Variants in PDE4B observed in about 807,000 individuals in gnomAD.
PDE4B encodes the protein phosphodiesterase 4B, also known as 3',5'-cyclic-AMP phosphodiesterase 4B.
A neutral mutation model predicts 82.2 loss-of-function variants in PDE4B; 20 were observed. That is an observed-to-expected ratio of 0.24 (90% confidence interval 0.17 to 0.35). The LOEUF (loss-of-function observed/expected upper bound fraction) is 0.35. Ranked by LOEUF, PDE4B falls within the 10% of genes least tolerant of loss-of-function variation. The probability of loss-of-function intolerance (pLI) is 1.00; values close to 1 mark genes in which losing one functional copy is unlikely to be tolerated. For synonymous variants in PDE4B, 320 were observed against 318.9 expected (o/e 1.00, Z -0.04); for missense variants, 655 against 907.2 (o/e 0.72, Z 3.57).
At chr1:65,898,550 A>G (rs543496739) in intron 1 of PDE4B, among the ~76,000 whole-genome samples, 2 of 152,264 alleles carry the variant, frequency 1.3e-5, no homozygotes, top group South Asian at 4.1e-4. Flanking sequence ...GCACCACATT[A>G]CCTGATTTCA....
At chr1:66,351,555 G>C (rs1661819610) in intron 8 of PDE4B, among the ~76,000 whole-genome samples, 1 of 152,258 alleles carries the variant, frequency 6.6e-6, no homozygotes, top group Middle Eastern at 3.4e-3. Flanking sequence ...AATTTGAGTT[G>C]TTTTCCTCAG....
At chr1:65,824,390 A>G (rs192380167) in intron 1 of PDE4B, among the ~76,000 whole-genome samples, 1 of 152,260 alleles carries the variant, frequency 6.6e-6, no homozygotes, top group Admixed American at 6.5e-5. Flanking sequence ...GTAATATTTT[A>G]GTGTGAGTAT....
intron 12 of PDE4B, among the ~76,000 whole-genome samples, chr1:66,364,916 C>T (rs9651194): frequency 0.035 from 5,299 of 152,198 alleles, 298 homozygotes; most frequent in African/African-American, 0.12. Context: ...CTCAAGCTGG[C>T]ATTTGAAGGA....
rs186496269 is a variant in PDE4B at position 66,264,329 on chromosome 1, G to A, written c.585-1709G>A. 7.4e-4 allele frequency among the ~76,000 whole-genome samples: 112 copies of A among 152,276 alleles called. 1 individual carries two copies. The highest frequency in any genetic ancestry group is 3.4e-3 in the Middle Eastern group (1 of 294). ...AAAACAGCCCTCAGTATTAGTGCAG[G>A]TGTTATCAGCATATAGTATAGTGGA... On this transcript the variant is annotated intron_variant, in intron 6 of 16. Coordinates refer to ENST00000341517, the MANE Select transcript of PDE4B (RefSeq NM_002600.4).
chr1:66,187,800 A>G (rs1355159082), intron 3 of PDE4B, among the ~76,000 whole-genome samples: 1 of 151,532 alleles, frequency 6.6e-6, no homozygotes, highest in East Asian at 1.9e-4. Flanking sequence ...GGATTCATTG[A>G]TTTTTTTGAA....
At chr1:66,107,646 C>G (rs1386838290) in intron 3 of PDE4B, among the ~76,000 whole-genome samples, 2 of 151,950 alleles carry the variant, frequency 1.3e-5, no homozygotes, top group Non-Finnish European at 2.9e-5. Flanking sequence ...ATATTCACTT[C>G]AAGGCAAAAC....
intron 3 of PDE4B, among the ~76,000 whole-genome samples, chr1:66,132,599 G>T (rs940124470): frequency 2.6e-5 from 4 of 152,156 alleles, no homozygotes; most frequent in Non-Finnish European, 5.9e-5. Context: ...ACAAATAATT[G>T]TTTTATTGGC....
At chr1:66,036,892 T>C (rs1654094175) in intron 3 of PDE4B, among the ~76,000 whole-genome samples, 1 of 152,044 alleles carries the variant, frequency 6.6e-6, no homozygotes, top group African/African-American at 2.4e-5. Flanking sequence ...CCCAACACTT[T>C]GGGGGGCCAA....
chr1:66,358,400 C>A (rs759630352), intron 9 of PDE4B, among the ~76,000 whole-genome samples: 1 of 152,102 alleles, frequency 6.6e-6, no homozygotes, highest in South Asian at 2.1e-4. Context: ...ACAGGCCGGG[C>A]GTGGCAGCTC....
chr1:66,355,512 G>T lies in PDE4B; in HGVS notation c.748-15G>T, dbSNP rs528278981. On this transcript the variant is annotated splice_polypyrimidine_tract_variant and intron_variant, in intron 8 of 16. Coordinates refer to ENST00000341517, the MANE Select transcript of PDE4B (RefSeq NM_002600.4). ...TTTTTAAAGTGGTTAATGCATTTTT[G>T]TTCTTTATAAACAGTTCAAAAGAAT... 68 of 1,562,774 alleles carry T rather than the reference G, an allele frequency of 4.4e-5. No homozygotes were observed. Among genetic ancestry groups the T allele is most frequent in the African/African-American group, 2.7e-5 (2 of 73,856 alleles).
At chr1:66,167,930 T>C (rs781535498) in intron 3 of PDE4B, among the ~76,000 whole-genome samples, 4 of 152,222 alleles carry the variant, frequency 2.6e-5, no homozygotes, top group South Asian at 2.1e-4. Flanking sequence ...AAATGTAACA[T>C]ATGCACCAAT....
At chr1:65,997,573 A>G (rs182451826) in intron 3 of PDE4B, among the ~76,000 whole-genome samples, 4 of 152,278 alleles carry the variant, frequency 2.6e-5, no homozygotes, top group African/African-American at 9.6e-5. Flanking sequence ...AGCTAACTCT[A>G]CTGAATCTGT....
intron 1 of PDE4B, among the ~76,000 whole-genome samples, chr1:65,799,935 A>G (rs1410613974): frequency 6.6e-6 from 1 of 152,198 alleles, no homozygotes; most frequent in Admixed American, 6.5e-5. Context: ...TCACCTTCTT[A>G]CTATATGGAG....
rs554971172 is a variant in PDE4B, at chr1:66,041,427, G to T, written c.281+122592G>T. ...TCGTTATAGTAGCCTCAAGTTTTTC[G>T]TCATTACAACTTCTTGACCTCTCTC... On this transcript the variant is annotated intron_variant, in intron 3 of 16. Transcript: ENST00000341517. Among the ~76,000 whole-genome samples the T allele has an allele frequency of 1.6e-4, 24 of 151,960 alleles. 1 individual carries two copies. In the East Asian group the frequency reaches 4.4e-3, roughly 28 times the overall value.
At chr1:66,026,686 TG>T (rs568778680) in intron 3 of PDE4B, among the ~76,000 whole-genome samples, 185 of 152,368 alleles carry the variant, frequency 1.2e-3, no homozygotes, top group African/African-American at 4.1e-3. Context: ...GCAATGTGCC[TG>T]GTATATAGTG....
At chr1:66,023,783 TTAATAA>T (rs1278406167) in intron 3 of PDE4B, among the ~76,000 whole-genome samples, 2 of 152,108 alleles carry the variant, frequency 1.3e-5, no homozygotes, top group African/African-American at 4.8e-5. Context: ...TAGTGTAAAC[TTAATAA>T]TAATGTTTAG....
intron 8 of PDE4B, among the ~76,000 whole-genome samples, chr1:66,347,836 A>C (rs1486208244): frequency 6.6e-6 from 1 of 152,228 alleles, no homozygotes; most frequent in African/African-American, 2.4e-5. Flanking sequence ...AACTTCAATA[A>C]GGCAGGATTT....
At chr1:66,342,818 C>T (rs765591847) in intron 8 of PDE4B, among the ~76,000 whole-genome samples, 4 of 151,582 alleles carry the variant, frequency 2.6e-5, no homozygotes, top group Non-Finnish European at 4.4e-5. Flanking sequence ...CCTAAGAGGG[C>T]GAATCACTTG....
At chr1:66,313,949 C>T (rs1441667615) in intron 7 of PDE4B, among the ~76,000 whole-genome samples, 1 of 152,102 alleles carries the variant, frequency 6.6e-6, no homozygotes, top group Non-Finnish European at 1.5e-5. Context: ...ATTCACATGT[C>T]TCCCCCTCCT....
Sources: allele counts gnomAD v4.1 joint callset (sites outside exome capture counted in the v4.1 genomes callset), GRCh38; gene constraint gnomAD v4.1.1; transcripts MANE v1.5; gene names NCBI Gene and HGNC (gene_info 2026-07-23, HGNC 2026-07-21).